Variants in MAMDC2 observed in about 807,000 individuals in gnomAD.
MAMDC2 encodes MAM domain-containing protein 2.
A neutral mutation model predicts 89.8 loss-of-function variants in MAMDC2; 57 were observed. The ratio of observed to expected loss-of-function variants is 0.63; its 90% CI spans 0.51 to 0.79. The LOEUF (loss-of-function observed/expected upper bound fraction) is 0.79. Ranked by LOEUF, MAMDC2 falls within the 30% of genes least tolerant of loss-of-function variation. The pLI is 0.00. For synonymous variants in MAMDC2, 313 were observed against 293.4 expected (o/e 1.07, Z -0.68); for missense variants, 800 against 820.6 (o/e 0.97, Z 0.31).
At chr9:70,059,074 C>T (rs1827088426) in intron 2 of MAMDC2, among the ~76,000 whole-genome samples, 1 of 152,102 alleles carries the variant, frequency 6.6e-6, no homozygotes, top group Non-Finnish European at 1.5e-5. Flanking sequence ...AGTGAAGTAT[C>T]CTTATACAAA....
intron 11 of MAMDC2, among the ~76,000 whole-genome samples, chr9:70,212,025 T>C (rs951470644): frequency 3.3e-5 from 5 of 152,322 alleles, no homozygotes; most frequent in African/African-American, 1.2e-4. Flanking sequence ...GTATTAAGTG[T>C]CAGTTGGCCC....
intron 11 of MAMDC2, chr9:70,194,519 G>A (rs1468758992): frequency 6.6e-6 from 1 of 152,078 alleles, no homozygotes; most frequent in East Asian, 1.9e-4. Context: ...AAGCAAACTT[G>A]TTGGCACCTT....
intron 9 of MAMDC2, among the ~76,000 whole-genome samples, chr9:70,145,490 C>T (rs964755355): frequency 3.3e-5 from 5 of 152,086 alleles, no homozygotes; most frequent in African/African-American, 1.2e-4. Context: ...CTTAGGGATC[C>T]CAAAGGCCTA....
intron 5 of MAMDC2, among the ~76,000 whole-genome samples, chr9:70,123,507 G>A (rs1482938750): frequency 1.3e-5 from 2 of 152,160 alleles, no homozygotes; most frequent in African/African-American, 4.8e-5. Flanking sequence ...CTGCAGATAT[G>A]TTTATTTGGC....
At chr9:70,113,484 A>G (rs1828564597) in intron 5 of MAMDC2, among the ~76,000 whole-genome samples, 1 of 152,190 alleles carries the variant, frequency 6.6e-6, no homozygotes, top group Non-Finnish European at 1.5e-5. Context: ...GGCTGGAAAA[A>G]TCCTAGGTTA....
chr9:70,048,844 T>A (rs939480973), intron 2 of MAMDC2, among the ~76,000 whole-genome samples: 2 of 152,030 alleles, frequency 1.3e-5, no homozygotes, highest in Non-Finnish European at 2.9e-5. Flanking sequence ...AATCATTGAG[T>A]GGATATTGGC....
chr9:70,126,940 G>A (rs996745614), intron 6 of MAMDC2, among the ~76,000 whole-genome samples: 1 of 151,616 alleles, frequency 6.6e-6, no homozygotes, highest in Admixed American at 6.6e-5. Flanking sequence ...AAGGCTTGAT[G>A]CCTTCATTTT....
rs4358861 is a variant in MAMDC2 at position 70,101,700 on chromosome 9, T to C, written c.149-6511T>C. Among the ~76,000 whole-genome samples, 21 of 152,344 alleles carry C rather than the reference T, an allele frequency of 1.4e-4. No homozygotes were observed. In the South Asian group the frequency reaches 2.9e-3, roughly 21 times the overall value. On this transcript the variant is annotated intron_variant, in intron 2 of 13. Coordinates refer to ENST00000377182, the MANE Select transcript of MAMDC2 (RefSeq NM_153267.5). ...GCTTACATGTGTAGTAGGCTCTCCA[T>C]CTAGGTTCATGAAGTACACTCTATA...
At chr9:70,188,982 C>A (rs950988665) in intron 11 of MAMDC2, among the ~76,000 whole-genome samples, 1 of 152,134 alleles carries the variant, frequency 6.6e-6, no homozygotes, top group Admixed American at 6.6e-5. Context: ...TGCTTCATTT[C>A]TTCCTTCCAT....
chr9:70,200,608 T>C (rs2033081464), intron 11 of MAMDC2, among the ~76,000 whole-genome samples: 1 of 147,178 alleles, frequency 6.8e-6, no homozygotes, highest in Non-Finnish European at 1.5e-5. Flanking sequence ...GGTAGCTTGA[T>C]GGGGATGGCA....
At chr9:70,092,138 C>A (rs1827916114) in intron 2 of MAMDC2, 1 of 152,148 alleles carries the variant, frequency 6.6e-6, no homozygotes, top group African/African-American at 2.4e-5. Context: ...AGACAAAAAC[C>A]TGCCATCAAT....
intron 9 of MAMDC2, among the ~76,000 whole-genome samples, chr9:70,147,264 T>A (rs557694466): frequency 3.3e-5 from 5 of 150,090 alleles, no homozygotes; most frequent in African/African-American, 1.2e-4. Flanking sequence ...TCTCAAAAAA[T>A]AAATAAATAA....
At chr9:70,077,623 C>T (rs1827562320) in intron 2 of MAMDC2, among the ~76,000 whole-genome samples, 1 of 152,216 alleles carries the variant, frequency 6.6e-6, no homozygotes, top group Non-Finnish European at 1.5e-5. Flanking sequence ...ATTATAATTT[C>T]TGAACTCTAC....
At chr9:70,065,493 G>GA (rs1199324856) in intron 2 of MAMDC2, among the ~76,000 whole-genome samples, 1 of 151,102 alleles carries the variant, frequency 6.6e-6, no homozygotes, top group Non-Finnish European at 1.5e-5. Context: ...TGGTGGCTTT[G>GA]AAAAATCCTA....
chr9:70,112,175 T>C (rs1352978242), intron 4 of MAMDC2, among the ~76,000 whole-genome samples: 5 of 152,182 alleles, frequency 3.3e-5, no homozygotes, highest in Non-Finnish European at 7.3e-5. Context: ...GCCAGCACAA[T>C]TATACTTCCT....
intron 11 of MAMDC2, among the ~76,000 whole-genome samples, chr9:70,212,849 T>C (rs934862041): frequency 6.6e-6 from 1 of 152,138 alleles, no homozygotes; most frequent in Admixed American, 6.5e-5. Context: ...CAGGGGCACA[T>C]GAACTGAAAG....
At chr9:70,058,969 C>T (rs1292767039) in intron 2 of MAMDC2, among the ~76,000 whole-genome samples, 3 of 152,218 alleles carry the variant, frequency 2.0e-5, no homozygotes, top group East Asian at 1.9e-4. Flanking sequence ...GAGAGTCTCA[C>T]ACTCAGAGGA....
chr9:70,065,864 C>A (rs1399667735), intron 2 of MAMDC2, among the ~76,000 whole-genome samples: 13 of 152,154 alleles, frequency 8.5e-5, no homozygotes, highest in Non-Finnish European at 1.9e-4. Context: ...CTATTCCTTG[C>A]ATGTTTGCAG....
intron 5 of MAMDC2, among the ~76,000 whole-genome samples, chr9:70,115,355 CT>C (rs1043080324): frequency 5.0e-4 from 75 of 149,010 alleles, no homozygotes; most frequent in Non-Finnish European, 9.1e-4. Flanking sequence ...AGTTTCAGCC[CT>C]TTTTTTTTTC....
Sources: allele counts gnomAD v4.1 joint callset (sites outside exome capture counted in the v4.1 genomes callset), GRCh38; gene constraint gnomAD v4.1.1; transcripts MANE v1.5; gene names NCBI Gene and HGNC (gene_info 2026-07-23, HGNC 2026-07-21).